ENOX2: variants seen among roughly 807,000 people sequenced by gnomAD.
ENOX2 encodes the protein APK1 antigen.
Under a neutral mutation model 45.0 loss-of-function variants are expected in ENOX2, and 36 were observed. The observed-to-expected ratio is 0.80, with a 90% CI of 0.61 to 1.06. The LOEUF (loss-of-function observed/expected upper bound fraction) is 1.06, where lower values mean the gene tolerates loss of function less well. Ranked by LOEUF, ENOX2 falls within the 50% of genes least tolerant of loss-of-function variation. The probability of loss-of-function intolerance (pLI) is 0.00; values close to 1 mark genes in which losing one functional copy is unlikely to be tolerated. For synonymous variants in ENOX2, 174 were observed against 152.3 expected, an observed-to-expected ratio of 1.14 and a Z score of -1.05; for missense variants, 423 against 462.5, an observed-to-expected ratio of 0.91 and a Z score of 0.78.
chrX:130,794,759 C>T (rs2077093432), intron 2 of ENOX2, among the ~76,000 whole-genome samples: 1 of 112,293 alleles, frequency 8.9e-6, no homozygotes, highest in African/African-American at 3.2e-5. Flanking sequence ...AAGACTGATG[C>T]ACCGCATGAA....
rs2035456282 is a variant in ENOX2, at chrX:130,622,648, G to T, written c.*2666C>A. Among the ~76,000 whole-genome samples, 1 of 111,740 alleles carries T rather than the reference G, an allele frequency of 8.9e-6. No individual in the cohort carries two copies. On this transcript the variant is annotated 3_prime_UTR_variant, in exon 15 of 15. Coordinates refer to ENST00000394363, the MANE Select transcript of ENOX2 (RefSeq NM_006375.4). ...ACAGCAATATTTCAAAATTCTGGAG[G>T]AACAACAGAACCATAAATAGCACTG...
intron 3 of ENOX2, among the ~76,000 whole-genome samples, chrX:130,720,581 A>G (rs1433319244): frequency 4.4e-5 from 5 of 112,687 alleles, no homozygotes; most frequent in African/African-American, 1.3e-4. Flanking sequence ...GCAGAGTCCA[A>G]TACAAGCTTA....
intron 2 of ENOX2, among the ~76,000 whole-genome samples, chrX:130,784,657 G>C (rs1427242152): frequency 1.0e-5 from 1 of 97,662 alleles, no homozygotes; most frequent in Non-Finnish European, 2.0e-5. Flanking sequence ...GCATGATCTT[G>C]GCTCACTGCA....
At chrX:130,895,180 G>GT (rs1418703654) in intron 2 of ENOX2, among the ~76,000 whole-genome samples, 1 of 111,940 alleles carries the variant, frequency 8.9e-6, no homozygotes, top group Non-Finnish European at 1.9e-5. Context: ...GTCTGGTCCT[G>GT]TATATATGCT....
intron 2 of ENOX2, among the ~76,000 whole-genome samples, chrX:130,859,633 A>G (rs181471801): frequency 8.9e-6 from 1 of 112,066 alleles, no homozygotes; most frequent in African/African-American, 3.2e-5. Context: ...GAGTGTGTAT[A>G]AACTATAAAT....
In ENOX2 at chrX:130,638,901, C is replaced by A. The variant is rs951838325; in HGVS notation, c.1130-1491G>T. ...ACTCAGGAGGCTGAGGCAGGAGAAT[C>A]GCTTGAACCTGGGAGGTGGAGGTTG... is the stretch of plus-strand genomic sequence containing the variant. On this transcript the variant is annotated intron_variant, in intron 10 of 14. Coordinates refer to ENST00000394363, the MANE Select transcript of ENOX2 (RefSeq NM_006375.4). Among the ~76,000 whole-genome samples the A allele has an allele frequency of 5.5e-4, 61 of 111,322 alleles. 1 individual carries two copies. The highest frequency in any genetic ancestry group is 1.3e-4 in the Non-Finnish European group (7 of 53,022).
chrX:130,646,515 A>G (rs904449699), intron 10 of ENOX2, among the ~76,000 whole-genome samples: 1 of 112,427 alleles, frequency 8.9e-6, no homozygotes. Flanking sequence ...CTTACCAGAT[A>G]GAACTCTTCT....
intron 3 of ENOX2, among the ~76,000 whole-genome samples, chrX:130,781,847 G>A (rs886105565): frequency 1.8e-5 from 2 of 111,100 alleles, no homozygotes; most frequent in Non-Finnish European, 3.8e-5. Flanking sequence ...CTACATGAAG[G>A]GACGATGAGA....
chrX:130,786,610 G>A (rs1449404082), intron 2 of ENOX2, among the ~76,000 whole-genome samples: 5 of 92,643 alleles, frequency 5.4e-5, no homozygotes, highest in African/African-American at 1.6e-4. Context: ...GTGTTCATGT[G>A]ATCTCATTGT....
chrX:130,833,530 T>C (rs1374972917), intron 2 of ENOX2, among the ~76,000 whole-genome samples: 4 of 111,143 alleles, frequency 3.6e-5, no homozygotes. Flanking sequence ...AATCAAGCAA[T>C]GGAACAGCAA....
At chrX:130,752,556 GGT>G in intron 3 of ENOX2, among the ~76,000 whole-genome samples, 1 of 109,689 alleles carries the variant, frequency 9.1e-6, no homozygotes, top group East Asian at 2.9e-4. Flanking sequence ...GTCTCTCTCC[GGT>G]TCTACCTGAT....
intron 4 of ENOX2, among the ~76,000 whole-genome samples, chrX:130,700,349 TAA>T (rs1188116080): frequency 2.7e-5 from 3 of 112,516 alleles, no homozygotes; most frequent in Non-Finnish European, 5.6e-5. Flanking sequence ...ACCAGGTTTC[TAA>T]AGAGTCAATT....
At chrX:130,661,515 T>C (rs2036688044) in intron 9 of ENOX2, among the ~76,000 whole-genome samples, 1 of 111,188 alleles carries the variant, frequency 9.0e-6, no homozygotes, top group African/African-American at 3.3e-5. Context: ...AAGAGGAAAA[T>C]TGGTGGAGAA....
intron 2 of ENOX2, among the ~76,000 whole-genome samples, chrX:130,817,634 AATCC>A (rs1331457209): frequency 8.9e-6 from 1 of 112,276 alleles, no homozygotes; most frequent in Non-Finnish European, 1.9e-5. Context: ...CAATAAATGT[AATCC>A]ATCACATAAA....
At chrX:130,786,449 T>A (rs934560925) in intron 2 of ENOX2, among the ~76,000 whole-genome samples, 1 of 104,689 alleles carries the variant, frequency 9.6e-6, no homozygotes, top group Non-Finnish European at 2.0e-5. Context: ...CATGTGCACA[T>A]TGTGCAGGTT....
intron 13 of ENOX2, among the ~76,000 whole-genome samples, chrX:130,629,510 TTC>T (rs2035638673): frequency 8.9e-6 from 1 of 112,817 alleles, no homozygotes; most frequent in Non-Finnish European, 1.9e-5. Context: ...TCCCCAGCAT[TTC>T]TCTGACAGGT....
chrX:130,712,866 G>A (rs1226322067), intron 3 of ENOX2, among the ~76,000 whole-genome samples: 1 of 111,386 alleles, frequency 9.0e-6, no homozygotes, highest in South Asian at 3.9e-4. Context: ...CCCCTCAGTC[G>A]AATTCTTTCT....
chrX:130,693,103 C>T (rs1017351676), intron 4 of ENOX2, among the ~76,000 whole-genome samples: 2 of 112,160 alleles, frequency 1.8e-5, no homozygotes, highest in Non-Finnish European at 3.8e-5. Context: ...ATTCTCTGTA[C>T]ACATCTGAGC....
intron 3 of ENOX2, among the ~76,000 whole-genome samples, chrX:130,720,098 C>A (rs757210310): frequency 1.8e-5 from 2 of 112,168 alleles, no homozygotes; most frequent in African/African-American, 6.5e-5. Flanking sequence ...TATTATGATG[C>A]ATTAGAATCA....
Sources: gnomAD v4.1 joint callset for allele counts (sites outside exome capture counted in the v4.1 genomes callset) on GRCh38, gnomAD v4.1.1 for gene constraint, MANE v1.5 for transcripts, NCBI Gene and HGNC (gene_info 2026-07-23, HGNC 2026-07-21) for gene names.